ALCAM: variants seen among roughly 807,000 people sequenced by gnomAD.
ALCAM encodes activated leukocyte cell adhesion molecule, also known as CD166 antigen.
A neutral mutation model predicts 70.9 loss-of-function variants in ALCAM; 30 were observed. That is an observed-to-expected ratio of 0.42 (90% CI 0.32 to 0.57). The LOEUF (loss-of-function observed/expected upper bound fraction) is 0.57. Among genes scored for constraint, ALCAM ranks in the 20% least tolerant of loss-of-function variants. ALCAM has a pLI of 0.11. For synonymous variants in ALCAM, 249 were observed against 242.5 expected, an observed-to-expected ratio of 1.03 and a Z score of -0.25; for missense variants, 591 against 695.1, an observed-to-expected ratio of 0.85 and a Z score of 1.68.
intron 1 of ALCAM, among the ~76,000 whole-genome samples, chr3:105,388,638 A>AT (rs1192224267): frequency 6.6e-6 from 1 of 151,542 alleles, no homozygotes; most frequent in Non-Finnish European, 1.5e-5. Context: ...ATTCTTTATG[A>AT]TTTTTTATTT....
intron 3 of ALCAM, chr3:105,524,714 G>C: frequency 2.3e-6 from 3 of 1,316,748 alleles, no homozygotes; most frequent in Non-Finnish European, 2.9e-6. Context: ...TTTGCAGTGA[G>C]GAACTAAAAT....
In ALCAM at chr3:105,485,403, A is replaced by G. The variant is rs199939375; in HGVS notation, c.74-34664A>G. The stretch of plus-strand genomic sequence containing the variant: ...TGTGTGTGTGTGTGTGTGTGCGCGC[A>G]CATCCACATGTGTGTGACAGAGAGA... On this transcript the variant is annotated intron_variant, in intron 1 of 15. Transcript: ENST00000306107. 4.8e-4 allele frequency among the ~76,000 whole-genome samples: 72 copies of G among 151,498 alleles called. 1 individual carries two copies. In the East Asian group the frequency reaches 8.3e-3, roughly 18 times the overall value.
chr3:105,412,188 A>G (rs1181100275), intron 1 of ALCAM, among the ~76,000 whole-genome samples: 1 of 152,096 alleles, frequency 6.6e-6, no homozygotes, highest in East Asian at 1.9e-4. Flanking sequence ...TAAATGTTTA[A>G]TATATTAGAA....
rs1339745816 is a variant in ALCAM, at chr3:105,552,198, C to T, written c.1546+16C>T. The stretch of plus-strand genomic sequence containing the variant: ...GAGATAAGTGGTAGGTACTATGCTG[C>T]CGACTCTTCTTCCTTGACTATCAGC... On this transcript the variant is annotated intron_variant, in intron 13 of 15. Coordinates refer to ENST00000306107, the MANE Select transcript of ALCAM (RefSeq NM_001627.4). The T allele has an allele frequency of 1.3e-6, 2 of 1,594,150 alleles. No homozygotes were observed. The highest frequency in any genetic ancestry group is 1.7e-6 in the Non-Finnish European group (2 of 1,170,402).
rs753626110 is a variant in ALCAM, at chr3:105,534,730, G to A, written c.615G>A (p.Leu205=). Residue 205 remains leucine, a synonymous_variant, in exon 6 of 16, where the codon CTG becomes CTA. Transcript: ENST00000306107. ...VTQLYTMTST[L]EYKTTKADIQ... ...AGCTCTATACCATGACTTCCACCCT[G>A]GAGTACAAGACAACCAAGGCTGACA... 1 of 1,613,594 alleles carries A rather than the reference G, an allele frequency of 6.2e-7. No homozygotes were observed. Among genetic ancestry groups the A allele is most frequent in the Non-Finnish European group, 8.5e-7 (1 of 1,179,784 alleles).
intron 6 of ALCAM, among the ~76,000 whole-genome samples, chr3:105,535,299 G>C (rs1939941836): frequency 6.6e-6 from 1 of 152,100 alleles, no homozygotes; most frequent in Non-Finnish European, 1.5e-5. Context: ...CAGAGTATTT[G>C]TCTACAAAGG....
intron 13 of ALCAM, 30 bp downstream of exon 13, chr3:105,552,212 T>G (rs745456514): frequency 6.3e-7 from 1 of 1,582,812 alleles, no homozygotes; most frequent in South Asian, 1.2e-5. Context: ...CTCTTCTTCC[T>G]TGACTATCAG....
chr3:105,429,872 T>C (rs1576157760), intron 1 of ALCAM, among the ~76,000 whole-genome samples: 1 of 152,144 alleles, frequency 6.6e-6, no homozygotes, highest in East Asian at 1.9e-4. Context: ...ATTTCTATAT[T>C]GTAATGCTTG....
intron 6 of ALCAM, among the ~76,000 whole-genome samples, chr3:105,537,174 G>A (rs557620479): frequency 4.6e-5 from 7 of 152,032 alleles, no homozygotes; most frequent in Non-Finnish European, 8.8e-5. Context: ...AATCAGTAAC[G>A]AGGTTTTAGA....
chr3:105,442,788 AAAAG>A (rs1232327196), intron 1 of ALCAM, among the ~76,000 whole-genome samples: 2 of 152,168 alleles, frequency 1.3e-5, no homozygotes, highest in African/African-American at 2.4e-5. Context: ...CTCAAAAAAA[AAAAG>A]AAAGAAAGAA....
At chr3:105,488,130 T>C (rs933586770) in intron 1 of ALCAM, among the ~76,000 whole-genome samples, 2 of 152,128 alleles carry the variant, frequency 1.3e-5, no homozygotes, top group Non-Finnish European at 2.9e-5. Context: ...CAACCCTTGT[T>C]TTCCTGTCTC....
chr3:105,544,286 T>G (rs1177915927), intron 8 of ALCAM, among the ~76,000 whole-genome samples: 1 of 151,544 alleles, frequency 6.6e-6, no homozygotes, highest in Non-Finnish European at 1.5e-5. Context: ...GTGACCAAAG[T>G]TTTCCTTACA....
chr3:105,573,837 TA>T (rs1232394213), intron 15 of ALCAM, among the ~76,000 whole-genome samples: 1 of 152,166 alleles, frequency 6.6e-6, no homozygotes, highest in African/African-American at 2.4e-5. Flanking sequence ...AATCCCATAG[TA>T]AGGATGGAGC....
At chr3:105,562,881 C>T (rs1940656577) in intron 14 of ALCAM, among the ~76,000 whole-genome samples, 1 of 152,214 alleles carries the variant, frequency 6.6e-6, no homozygotes, top group Non-Finnish European at 1.5e-5. Context: ...TCTCAGCTCA[C>T]TGCAACCTCC....
chr3:105,402,436 A>C (rs894399247), intron 1 of ALCAM, among the ~76,000 whole-genome samples: 2 of 152,170 alleles, frequency 1.3e-5, no homozygotes, highest in African/African-American at 4.8e-5. Context: ...GAGATGCTGA[A>C]AAACTGTGAG....
intron 1 of ALCAM, among the ~76,000 whole-genome samples, chr3:105,452,290 C>T (rs1427354474): frequency 1.4e-4 from 22 of 152,172 alleles, no homozygotes; most frequent in Non-Finnish European, 2.8e-4. Flanking sequence ...CATTGTTCAA[C>T]TCCCACTTAT....
chr3:105,468,186 G>A (rs1226890563), intron 1 of ALCAM, among the ~76,000 whole-genome samples: 1 of 151,318 alleles, frequency 6.6e-6, no homozygotes, highest in Non-Finnish European at 1.5e-5. Flanking sequence ...GAGACAATCT[G>A]TTACCAAACT....
intron 1 of ALCAM, among the ~76,000 whole-genome samples, chr3:105,487,261 G>A (rs1938457739): frequency 6.6e-6 from 1 of 152,044 alleles, no homozygotes; most frequent in South Asian, 2.1e-4. Context: ...TCCTTATAGA[G>A]AGTTATGCCC....
At chr3:105,525,092 T>A (rs1193129889) in intron 3 of ALCAM, 5 of 971,434 alleles carry the variant, frequency 5.1e-6, no homozygotes, top group Non-Finnish European at 2.4e-6. Flanking sequence ...ATCCTGACCT[T>A]TATTGACTGG....
Sources: gnomAD v4.1 joint callset for allele counts (sites outside exome capture counted in the v4.1 genomes callset) on GRCh38, gnomAD v4.1.1 for gene constraint, MANE v1.5 for transcripts, NCBI Gene and HGNC (gene_info 2026-07-23, HGNC 2026-07-21) for gene names.